The following PON2 variants were observed in gnomAD, a reference collection of about 807,000 sequenced individuals.
PON2 encodes the protein serum paraoxonase/arylesterase 2.
A neutral mutation model predicts 36.6 loss-of-function variants in PON2; 27 were observed. That is an observed-to-expected ratio of 0.74 (90% CI 0.54 to 1.02). The LOEUF is 1.02. Ranked by LOEUF, PON2 falls within the 50% of genes least tolerant of loss-of-function variation. The pLI, the probability that PON2 is intolerant of heterozygous loss-of-function variation, is 0.00. For synonymous variants in PON2, 149 were observed against 156.3 expected, an observed-to-expected ratio of 0.95 and a Z score of 0.35; for missense variants, 363 against 421.1, an observed-to-expected ratio of 0.86 and a Z score of 1.21.
Position 95,416,183 on chromosome 7 carries a change from C to G in PON2, c.201+59G>C, listed in dbSNP as rs533407508. 1.3e-5 allele frequency: 21 copies of G among 1,610,936 alleles called. No homozygotes were observed. The South Asian group carries it at 2.3e-4, about 18-fold the overall frequency. On this transcript the variant is annotated intron_variant, in intron 3 of 8. Transcript: ENST00000222572. ...TAAAAGCAACTTACTGTTCTGCAGCCCTCATCAAATACCCTTGTATCTCCT... is the reference window on the plus strand; with the variant it reads ...TAAAAGCAACTTACTGTTCTGCAGCGCTCATCAAATACCCTTGTATCTCCT...
intron 3 of PON2, 118 bp from the exon 4 acceptor site, chr7:95,412,595 C>A (rs1466713629): frequency 9.3e-6 from 9 of 970,888 alleles, no homozygotes; most frequent in Admixed American, 7.1e-5. Flanking sequence ...CATAAAGCCA[C>A]AAAAACTCAA....
chr7:95,416,973 C>A (rs990018169), intron 2 of PON2, among the ~76,000 whole-genome samples: 5 of 152,224 alleles, frequency 3.3e-5, no homozygotes, highest in African/African-American at 1.2e-4. Flanking sequence ...CTGCAGTACA[C>A]TCCACACAGC....
intron 2 of PON2, among the ~76,000 whole-genome samples, chr7:95,417,320 T>A (rs1276498299): frequency 6.6e-6 from 1 of 152,092 alleles, no homozygotes; most frequent in African/African-American, 2.4e-5. Context: ...TGCCAAGAAC[T>A]TCACATTGTA....
chr7:95,415,263 G>A (rs1374084721), intron 3 of PON2: 3 of 152,148 alleles, frequency 2.0e-5, no homozygotes, highest in Admixed American at 6.5e-5. Context: ...CTCCTCATCT[G>A]TCCCCTTATC....
At chr7:95,414,008 C>T (rs1585750923) in intron 3 of PON2, among the ~76,000 whole-genome samples, 2 of 152,152 alleles carry the variant, frequency 1.3e-5, no homozygotes, top group East Asian at 3.8e-4. Context: ...TATGTTCGCA[C>T]TCCTTATTTA....
chr7:95,421,152 G>C (rs1789183224), intron 2 of PON2, among the ~76,000 whole-genome samples: 1 of 152,050 alleles, frequency 6.6e-6, no homozygotes, highest in Non-Finnish European at 1.5e-5. Context: ...TCCAATTCCA[G>C]ACAGCAGCTC....
intron 6 of PON2, among the ~76,000 whole-genome samples, chr7:95,407,455 A>C (rs1158973861): frequency 6.6e-6 from 1 of 152,228 alleles, no homozygotes; most frequent in Non-Finnish European, 1.5e-5. Context: ...ATGGTAAAGA[A>C]CATCTTATTA....
At chr7:95,410,928 G>C (rs1035397406) in intron 5 of PON2, among the ~76,000 whole-genome samples, 2 of 152,026 alleles carry the variant, frequency 1.3e-5, no homozygotes, top group Non-Finnish European at 2.9e-5. Context: ...ATGATTGGAA[G>C]TTACATGCTT....
At chr7:95,418,541 A>T (rs1326992691) in intron 2 of PON2, 1 of 152,184 alleles carries the variant, frequency 6.6e-6, no homozygotes, top group Non-Finnish European at 1.5e-5. Flanking sequence ...TTTCCCCTGA[A>T]GTTTTGCTTC....
At chr7:95,423,133 G>A (rs1789231932) in intron 2 of PON2, among the ~76,000 whole-genome samples, 1 of 151,918 alleles carries the variant, frequency 6.6e-6, no homozygotes, top group Non-Finnish European at 1.5e-5. Flanking sequence ...AGACCAGCCT[G>A]GACAACATAA....
At chr7:95,434,824 G>A in intron 1 of PON2, 54 bp downstream of exon 1, 1 of 1,518,434 alleles carries the variant, frequency 6.6e-7, no homozygotes, top group Non-Finnish European at 8.8e-7. Context: ...CGCACCACGC[G>A]GCCACCCCGA....
intron 3 of PON2, 65 bp downstream of exon 3, chr7:95,416,177 T>A: frequency 3.7e-6 from 6 of 1,610,312 alleles, no homozygotes; most frequent in Non-Finnish European, 5.1e-6. Context: ...CTTACTGTTC[T>A]GCAGCCCTCA....
chr7:95,410,482 C>G (rs1788896492), intron 5 of PON2, among the ~76,000 whole-genome samples: 1 of 152,160 alleles, frequency 6.6e-6, no homozygotes. Context: ...GCTGGTTAGG[C>G]AGTCAGTAAC....
In PON2 at chr7:95,409,886, T is replaced by C. The variant is rs1406455579; in HGVS notation, c.695+15A>G. 1 of 1,609,566 alleles carries C rather than the reference T, an allele frequency of 6.2e-7. No individual in the cohort carries two copies. The highest frequency in any genetic ancestry group is 1.7e-5 in the Admixed American group (1 of 59,982). On this transcript the variant is annotated intron_variant, in intron 6 of 8. Coordinates refer to ENST00000222572, the MANE Select transcript of PON2 (RefSeq NM_000305.3). ...CAACTGAAGAAAAATGAAGATATTC[T>C]ATAAGGGGCCATACTTATCATCAGG...
intron 1 of PON2, among the ~76,000 whole-genome samples, chr7:95,425,003 A>C (rs1789282583): frequency 6.6e-6 from 1 of 152,210 alleles, no homozygotes; most frequent in Admixed American, 6.5e-5. Context: ...CCTCACACAG[A>C]GACTGCAAAG....
At chr7:95,407,467 A>G (rs1371137585) in intron 6 of PON2, among the ~76,000 whole-genome samples, 8 of 152,206 alleles carry the variant, frequency 5.3e-5, no homozygotes, top group Admixed American at 5.2e-4. Flanking sequence ...ATCTTATTAA[A>G]ATAGTGATCA....
chr7:95,414,598 C>G lies in PON2; in HGVS notation c.201+1644G>C, dbSNP rs190969127. Among the ~76,000 whole-genome samples the G allele has an allele frequency of 1.1e-4, 17 of 152,212 alleles. No individual in the cohort carries two copies. In the East Asian group the frequency reaches 3.3e-3, roughly 29 times the overall value. ...TAGGTGAATTCTAGATTATAAAAAT[C>G]TCCAAGAACACATCCTTGCAAAACA... On this transcript the variant is annotated intron_variant, in intron 3 of 8. Transcript: ENST00000222572.
intron 2 of PON2, among the ~76,000 whole-genome samples, chr7:95,422,105 CA>C (rs1484939772): frequency 1.3e-5 from 2 of 151,998 alleles, no homozygotes; most frequent in East Asian, 3.9e-4. Context: ...TTCATAGTTG[CA>C]AAAAACTGTA....
At chr7:95,410,755 A>G (rs1788904629) in intron 5 of PON2, among the ~76,000 whole-genome samples, 1 of 152,196 alleles carries the variant, frequency 6.6e-6, no homozygotes, top group Admixed American at 6.5e-5. Flanking sequence ...TTTAAATTCC[A>G]ATTACTCTAT....
Sources: allele counts gnomAD v4.1 joint callset (sites outside exome capture counted in the v4.1 genomes callset), GRCh38; gene constraint gnomAD v4.1.1; transcripts MANE v1.5; gene names NCBI Gene and HGNC (gene_info 2026-07-23, HGNC 2026-07-21).